The following SLC25A48 variants were observed in gnomAD, a reference collection of about 807,000 sequenced individuals.
SLC25A48 encodes the protein solute carrier family 25 member 48.
SLC25A48 carries 29 observed loss-of-function variants against 32.2 expected under a neutral mutation model. That is an observed-to-expected ratio of 0.90 (90% CI 0.67 to 1.23). The LOEUF (loss-of-function observed/expected upper bound fraction) is 1.23. Ranked by LOEUF, SLC25A48 falls within the 50% of genes most tolerant of loss-of-function variation. The pLI is 0.00. For synonymous variants in SLC25A48, 164 were observed against 172.3 expected (o/e 0.95, Z 0.38); for missense variants, 399 against 422.7 (o/e 0.94, Z 0.49).
chr5:135,593,952 A>G (rs919321064), intron 1 of SLC25A48, among the ~76,000 whole-genome samples: 6 of 152,214 alleles, frequency 3.9e-5, no homozygotes, highest in African/African-American at 1.4e-4. Flanking sequence ...ATGGGACTGA[A>G]TGCTTTGTGA....
intron 3 of SLC25A48, among the ~76,000 whole-genome samples, chr5:135,719,421 G>C (rs1754893774): frequency 6.6e-6 from 1 of 152,164 alleles, no homozygotes; most frequent in Non-Finnish European, 1.5e-5. Context: ...CGGAGAAGCA[G>C]AAGTTGGGGA....
chr5:135,744,355 T>A (rs924684088), intron 3 of SLC25A48, among the ~76,000 whole-genome samples: 5 of 84,096 alleles, frequency 5.9e-5, no homozygotes, highest in African/African-American at 1.8e-4. Flanking sequence ...TTCTCTCCAT[T>A]TTTTTTTTCT....
intron 3 of SLC25A48, among the ~76,000 whole-genome samples, chr5:135,700,013 T>C (rs973451325): frequency 6.6e-6 from 1 of 152,186 alleles, no homozygotes; most frequent in Non-Finnish European, 1.5e-5. Flanking sequence ...TTCCCTTTAA[T>C]TCTGTCTGCC....
intron 3 of SLC25A48, among the ~76,000 whole-genome samples, chr5:135,807,795 T>C (rs1757498079): frequency 6.7e-6 from 1 of 148,166 alleles, no homozygotes; most frequent in Non-Finnish European, 1.5e-5. Context: ...TTAATAAATA[T>C]CATAGGTATT....
chr5:135,845,149 C>T (rs4343834), intron 2 of SLC25A48, among the ~76,000 whole-genome samples: 7,799 of 152,262 alleles, frequency 0.051, 429 homozygotes, highest in African/African-American at 0.14. Flanking sequence ...CGAGGGAGAA[C>T]CTGCCACATG....
At position 135,668,662 on chromosome 5, in the gene SLC25A48, G is replaced by A. The variant is rs368534413; in HGVS notation, c.-521+33706G>A. 3.9e-5 allele frequency among the ~76,000 whole-genome samples: 6 copies of A among 152,304 alleles called. No individual in the cohort carries two copies. The East Asian group carries it at 1.2e-3, about 29-fold the overall frequency. On this transcript the variant is annotated intron_variant, in intron 3 of 10. Coordinates refer to the SLC25A48 transcript ENST00000646290. ...GTATGAAAAGCAACATCATAACCCA[G>A]AACATCAATCACAGCTGCCACCTTT...
intron 3 of SLC25A48, among the ~76,000 whole-genome samples, chr5:135,725,392 A>G (rs1454742897): frequency 6.6e-6 from 1 of 152,208 alleles, no homozygotes; most frequent in African/African-American, 2.4e-5. Flanking sequence ...GAGGAAGTGC[A>G]GATCTGGGGC....
chr5:135,849,597 G>A (rs1046891695), intron 2 of SLC25A48, among the ~76,000 whole-genome samples: 12 of 152,300 alleles, frequency 7.9e-5, no homozygotes, highest in Admixed American at 7.2e-4. Context: ...TCTGGGGATG[G>A]AAGGAAAGTA....
intron 1 of SLC25A48, among the ~76,000 whole-genome samples, chr5:135,603,806 C>T (rs1751862251): frequency 6.6e-6 from 1 of 152,116 alleles, no homozygotes; most frequent in Admixed American, 6.5e-5. Context: ...GCCTCACTGT[C>T]CCTACAAGGC....
intron 6 of SLC25A48, chr5:135,874,622 C>T (rs752158722): frequency 2.9e-6 from 2 of 682,950 alleles, no homozygotes; most frequent in Admixed American, 4.2e-5. Flanking sequence ...TTCTGCTCTC[C>T]CACCTGAGCC....
intron 4 of SLC25A48, 151 bp downstream of exon 4, chr5:135,852,972 A>G: frequency 8.7e-7 from 1 of 1,144,718 alleles, no homozygotes; most frequent in South Asian, 1.7e-5. Flanking sequence ...TACCTCGGAG[A>G]CATGGGTTTG....
intron 2 of SLC25A48, among the ~76,000 whole-genome samples, chr5:135,849,629 T>C (rs1759675787): frequency 6.6e-6 from 1 of 152,166 alleles, no homozygotes. Context: ...CCTACCCTAG[T>C]TGGGTGGTCC....
At chr5:135,707,657 ACT>A (rs1278121537) in intron 3 of SLC25A48, among the ~76,000 whole-genome samples, 3 of 150,858 alleles carry the variant, frequency 2.0e-5, no homozygotes, top group African/African-American at 4.9e-5. Flanking sequence ...CTCCAACATC[ACT>A]CTTCAGAGAG....
chr5:135,793,857 T>C (rs900666698), intron 3 of SLC25A48, among the ~76,000 whole-genome samples: 6 of 151,808 alleles, frequency 4.0e-5, no homozygotes, highest in East Asian at 1.9e-4. Flanking sequence ...TGTAATATCA[T>C]GTGGAGATAT....
At chr5:135,624,287 C>T (rs1351207379) in intron 1 of SLC25A48, among the ~76,000 whole-genome samples, 1 of 152,150 alleles carries the variant, frequency 6.6e-6, no homozygotes, top group Non-Finnish European at 1.5e-5. Flanking sequence ...GGCGAGCAAA[C>T]CGGGGCTACC....
chr5:135,850,954 G>T (rs1253340941), intron 3 of SLC25A48, among the ~76,000 whole-genome samples: 1 of 152,152 alleles, frequency 6.6e-6, no homozygotes, highest in Admixed American at 6.5e-5. Context: ...TTCCTTTTCC[G>T]AAGGGAAAAC....
At chr5:135,674,456 C>T (rs1753723721) in intron 3 of SLC25A48, among the ~76,000 whole-genome samples, 1 of 152,044 alleles carries the variant, frequency 6.6e-6, no homozygotes, top group Non-Finnish European at 1.5e-5. Context: ...CCTTCTCAGA[C>T]TCTGGTATCT....
Position 135,888,124 on chromosome 5 carries a change from A to C in SLC25A48, c.*100A>C, listed in dbSNP as rs1228481466. 1.3e-6 allele frequency: 2 copies of C among 1,545,280 alleles called. No homozygotes were observed. Among genetic ancestry groups the C allele is most frequent in the African/African-American group, 1.4e-5 (1 of 72,788 alleles). ...CAGATGTTTGGCCTTTGGACCTCCA[A>C]GTGGACATCAATTAGCAAGCGTGGG... On this transcript the variant is annotated 3_prime_UTR_variant, in exon 8 of 8. Transcript: ENST00000681962.
chr5:135,631,966 G>T (rs1207041887), intron 2 of SLC25A48, among the ~76,000 whole-genome samples: 3 of 152,206 alleles, frequency 2.0e-5, no homozygotes, highest in Admixed American at 1.3e-4. Flanking sequence ...TCTTTGAGAC[G>T]ATGTCAGCCC....
Sources: allele counts gnomAD v4.1 joint callset (sites outside exome capture counted in the v4.1 genomes callset), GRCh38; gene constraint gnomAD v4.1.1; transcripts MANE v1.5; gene names NCBI Gene and HGNC (gene_info 2026-07-23, HGNC 2026-07-21).